The following OPRL1 variants were observed in gnomAD, a reference collection of about 807,000 sequenced individuals.
The protein encoded by OPRL1 is nociceptin receptor.
Under a neutral mutation model 15.5 loss-of-function variants are expected in OPRL1, and 5 were observed. The ratio of observed to expected loss-of-function variants is 0.32; its 90% confidence interval spans 0.17 to 0.68. The LOEUF (loss-of-function observed/expected upper bound fraction) is 0.68, where lower values mean the gene tolerates loss of function less well. OPRL1 is among the 30% of genes least tolerant of loss of function. The pLI, the probability that OPRL1 is intolerant of heterozygous loss-of-function variation, is 0.72. For missense variants in OPRL1, 406 were observed against 515.3 expected, an observed-to-expected ratio of 0.79 and a Z score of 2.05; for synonymous variants, 223 against 230.2, an observed-to-expected ratio of 0.97 and a Z score of 0.28.
At chr20:64,092,475 C>T (rs1213211243) in intron 2 of OPRL1, among the ~76,000 whole-genome samples, 6 of 152,094 alleles carry the variant, frequency 3.9e-5, no homozygotes, top group Non-Finnish European at 7.4e-5. Flanking sequence ...TTCTGTGAGT[C>T]CCTGTCTGTG....
intron 1 of OPRL1, among the ~76,000 whole-genome samples, chr20:64,082,977 T>G (rs2059984888): frequency 6.6e-6 from 1 of 152,074 alleles, no homozygotes; most frequent in South Asian, 2.1e-4. Context: ...TGCTGCTTCT[T>G]CAAAGGCCAG....
At chr20:64,082,857 G>T (rs1203045148) in intron 1 of OPRL1, among the ~76,000 whole-genome samples, 4 of 151,902 alleles carry the variant, frequency 2.6e-5, no homozygotes, top group Non-Finnish European at 5.9e-5. Context: ...GGGCATTAAA[G>T]GGGTCACAGG....
intron 1 of OPRL1, among the ~76,000 whole-genome samples, chr20:64,091,385 G>A (rs893907066): frequency 2.0e-5 from 3 of 152,194 alleles, no homozygotes; most frequent in African/African-American, 4.8e-5. Flanking sequence ...GAACAGACCC[G>A]GGTTTCACCC....
chr20:64,096,807 CACCA>C lies in OPRL1; in HGVS notation c.234-994_234-991del, dbSNP rs1360753949. 7.4e-5 allele frequency among the ~76,000 whole-genome samples: 11 copies of C among 147,978 alleles called. No individual in the cohort carries two copies. In the East Asian group the frequency reaches 2.2e-3, roughly 30 times the overall value. Reference sequence around the variant, plus strand: ...TCACCATCCTCACCATCCTCACCACCACCATCACCACCATCATCACCATCATCAT... The same window carrying C: ...TCACCATCCTCACCATCCTCACCACCTCACCACCATCATCACCATCATCAT... On this transcript the variant is annotated intron_variant, in intron 3 of 4. Coordinates refer to ENST00000336866, the MANE Select transcript of OPRL1 (RefSeq NM_182647.4).
At chr20:64,081,882 C>T (rs745602886) in intron 1 of OPRL1, among the ~76,000 whole-genome samples, 1 of 152,226 alleles carries the variant, frequency 6.6e-6, no homozygotes, top group African/African-American at 2.4e-5. Context: ...GCTGGGTCTG[C>T]TGTGCCTGTC....
chr20:64,096,530 T>G (rs1426024060), intron 3 of OPRL1, among the ~76,000 whole-genome samples: 1 of 152,170 alleles, frequency 6.6e-6, no homozygotes, highest in Non-Finnish European at 1.5e-5. Flanking sequence ...TTTGCCATGA[T>G]CATTGTCATT....
At position 64,099,435 on chromosome 20, in the gene OPRL1, A is replaced by T. The variant is rs1037432678; in HGVS notation, c.*636A>T. 2.0e-5 allele frequency: 3 copies of T among 152,294 alleles called. No individual in the cohort carries two copies. The highest frequency in any genetic ancestry group is 7.2e-5 in the African/African-American group (3 of 41,398). 9.4% of individuals were successfully genotyped at this position (152,294 alleles called of 1,614,324 possible). A position where few individuals can be genotyped will look rare whatever the true frequency, so the allele number is the denominator to read the frequency against. ...CGACTCCACCTGTGCAGCCGGGGCC[A>T]CCCCAGGAGAAAGTGTCCAGGTGGG... On this transcript the variant is annotated 3_prime_UTR_variant, in exon 5 of 5. Coordinates refer to ENST00000336866, the MANE Select transcript of OPRL1 (RefSeq NM_182647.4).
chr20:64,097,782 CT>C lies in OPRL1; in HGVS notation c.234-18del, dbSNP rs1195533164. 1 of 1,600,798 alleles carries C rather than the reference CT, an allele frequency of 6.2e-7. No homozygotes were observed. The highest frequency in any genetic ancestry group is 2.2e-5 in the East Asian group (1 of 44,668). ...GCCAGCATGGCCAAGTGAAGCCTTTCTTCTCCCTCTACTCCGCAGGCACACC... is the reference window on the plus strand; with the variant it reads ...GCCAGCATGGCCAAGTGAAGCCTTTCTCTCCCTCTACTCCGCAGGCACACC... On this transcript the variant is annotated intron_variant, in intron 3 of 4. Coordinates refer to ENST00000336866, the MANE Select transcript of OPRL1 (RefSeq NM_182647.4). This position sits in a 1 kb window ranked among gnomAD's most constrained non-coding sequence, Gnocchi z 4.2.
At chr20:64,084,096 G>C in intron 1 of OPRL1, 1 of 1,479,920 alleles carries the variant, frequency 6.8e-7, no homozygotes, top group Non-Finnish European at 8.9e-7. Flanking sequence ...GCCCAGCCCG[G>C]CTTGGGGGGC....
chr20:64,089,802 C>A lies in OPRL1; in HGVS notation c.-184-2164C>A, dbSNP rs978042426. 6.6e-6 allele frequency among the ~76,000 whole-genome samples: 1 copy of A among 152,202 alleles called. No homozygotes were observed. The highest frequency in any genetic ancestry group is 1.5e-5 in the Non-Finnish European group (1 of 68,036). On this transcript the variant is annotated intron_variant, in intron 1 of 4. Transcript: ENST00000336866. The surrounding 1 kb of genome is among the most constrained non-coding windows in gnomAD (Gnocchi z 5.5). ...TTCCCTTACGAGGTCTCTGCTCTGC[C>A]CACCCTCAGTGCCTACAGTGCCCAG...
chr20:64,098,796 A>C lies in OPRL1; in HGVS notation c.1110A>C (p.Ala370=). ...CKTSETVPRP[A] ...CCTCTGAGACGGTACCGCGGCCCGC[A>C]TGACTAGGCGTGGACCTGCCCATGG... Residue 370 remains alanine, a synonymous_variant, in exon 5 of 5, where the codon GCA becomes GCC. Transcript: ENST00000336866. 1 of 1,589,858 alleles carries C rather than the reference A, an allele frequency of 6.3e-7. No homozygotes were observed.
chr20:64,082,791 CGTGA>C (rs1281831154), intron 1 of OPRL1, among the ~76,000 whole-genome samples: 1 of 95,176 alleles, frequency 1.1e-5, no homozygotes, highest in African/African-American at 4.2e-5. Context: ...GTACTGCATG[CGTGA>C]GTGTGTGTGG....
chr20:64,092,585 C>T (rs997433253), intron 2 of OPRL1, 103 bp from the exon 3 acceptor site: 19 of 801,334 alleles, frequency 2.4e-5, no homozygotes, highest in Admixed American at 1.1e-4. Flanking sequence ...GGCTGCCCAG[C>T]GTGGGGGTCC....
Position 64,083,486 on chromosome 20 carries a change from G to A in OPRL1, c.-185+3134G>A. 1 of 1,595,786 alleles carries A rather than the reference G, an allele frequency of 6.3e-7. No individual in the cohort carries two copies. The highest frequency in any genetic ancestry group is 8.5e-7 in the Non-Finnish European group (1 of 1,172,426). ...CGTTCTCCTCCAGGATGGTCTCCAC[G>A]CGCCTCCGCTGCCGGGGAGAGAGGC... On this transcript the variant is annotated intron_variant, in intron 1 of 4. Coordinates refer to ENST00000336866, the MANE Select transcript of OPRL1 (RefSeq NM_182647.4). This position sits in a 1 kb window ranked among gnomAD's most constrained non-coding sequence, Gnocchi z 4.9.
At chr20:64,086,211 A>G (rs2060048435) in intron 1 of OPRL1, among the ~76,000 whole-genome samples, 1 of 152,148 alleles carries the variant, frequency 6.6e-6, no homozygotes. Flanking sequence ...TGGGTGGGGC[A>G]CTTTCTGGCT....
At position 64,098,730 on chromosome 20, in the gene OPRL1, C is replaced by T. The variant is rs758599272; in HGVS notation, c.1044C>T (p.Arg348=). 3.1e-5 allele frequency: 50 copies of T among 1,611,656 alleles called. No homozygotes were observed. Among genetic ancestry groups the T allele is most frequent in the Admixed American group, 1.3e-4 (8 of 60,030 alleles). Residue 348 remains arginine, a synonymous_variant, in exon 5 of 5, where the codon CGC becomes CGT. Coordinates refer to ENST00000336866, the MANE Select transcript of OPRL1 (RefSeq NM_182647.4). ...ALRRDVQVSD[R]VRSIAKDVAL... ...GCCGGGACGTGCAGGTGTCTGACCG[C>T]GTGCGCAGCATTGCCAAGGACGTGG...
rs776675737 is a variant in OPRL1, at chr20:64,098,289, G to C, written c.603G>C (p.Leu201=). Residue 201 remains leucine (L), a synonymous_variant, in exon 5 of 5, where the codon CTG becomes CTC. Coordinates refer to ENST00000336866, the MANE Select transcript of OPRL1 (RefSeq NM_182647.4). ...AQVEDEEIEC[L]VEIPTPQDYW... Reference sequence around the variant, plus strand: ...CTCTCCCTGCAGAGATCGAGTGCCTGGTGGAGATCCCTACCCCTCAGGATT... The same window carrying C: ...CTCTCCCTGCAGAGATCGAGTGCCTCGTGGAGATCCCTACCCCTCAGGATT... 8 of 1,613,568 alleles carry C rather than the reference G, an allele frequency of 5.0e-6. No individual in the cohort carries two copies. The highest frequency in any genetic ancestry group is 2.7e-5 in the African/African-American group (2 of 74,920).
chr20:64,083,407 G>T lies in OPRL1; in HGVS notation c.-185+3055G>T. 1 of 1,611,746 alleles carries T rather than the reference G, an allele frequency of 6.2e-7. No homozygotes were observed. ...GAATTATAACTTTATGTGGGAGGCT[G>T]GGGCGCGTCGCACACTCTCAGTCGC... On this transcript the variant is annotated intron_variant, in intron 1 of 4. Transcript: ENST00000336866. This position sits in a 1 kb window ranked among gnomAD's most constrained non-coding sequence, Gnocchi z 4.9.
At chr20:64,093,047 GTGT>G in intron 3 of OPRL1, 94 bp downstream of exon 3, 1 of 1,112,068 alleles carries the variant, frequency 9.0e-7, no homozygotes, top group Non-Finnish European at 1.3e-6. Context: ...GCCTGAGCAG[GTGT>G]TGATTTCCTG....
Sources: allele counts gnomAD v4.1 joint callset (sites outside exome capture counted in the v4.1 genomes callset), GRCh38; gene constraint gnomAD v4.1.1; non-coding constraint Gnocchi (gnomAD v3.1); transcripts MANE v1.5; gene names NCBI Gene and HGNC (gene_info 2026-07-23, HGNC 2026-07-21).